Variants in ZNF814 observed in about 807,000 individuals in gnomAD.
ZNF814 encodes the protein zinc finger protein 814.
ZNF814 carries 5 observed loss-of-function variants against 7.5 expected under a neutral mutation model. The observed-to-expected ratio is 0.67, with a 90% CI of 0.35 to 1.40. The LOEUF (loss-of-function observed/expected upper bound fraction) is 1.40, where lower values mean the gene tolerates loss of function less well. Ranked by LOEUF, ZNF814 falls within the 40% of genes most tolerant of loss-of-function variation. ZNF814 has a pLI of 0.04. For synonymous variants in ZNF814, 315 were observed against 340.7 expected, an observed-to-expected ratio of 0.92 and a Z score of 0.83; for missense variants, 962 against 1,018.0, an observed-to-expected ratio of 0.94 and a Z score of 0.75.
In ZNF814 at chr19:57,869,633, T is replaced by C. The variant is rs2071539005; in HGVS notation, c.*3189A>G. On this transcript the variant is annotated 3_prime_UTR_variant, in exon 3 of 3. Transcript: ENST00000435989. ...TGCATAGCTTACTGAATGTCATTTATAACTCATCACAGCTTTAAAATATAC... is the reference window on the plus strand; with the variant it reads ...TGCATAGCTTACTGAATGTCATTTACAACTCATCACAGCTTTAAAATATAC... 1.3e-5 allele frequency: 2 copies of C among 152,168 alleles called. No individual in the cohort carries two copies. The highest frequency in any genetic ancestry group is 2.9e-5 in the Non-Finnish European group (2 of 68,034). 9.4% of individuals were successfully genotyped at this position (152,168 alleles called of 1,614,324 possible). A position where few individuals can be genotyped will look rare whatever the true frequency, so the allele number is the denominator to read the frequency against.
At chr19:57,899,424 A>G in the ZNF814 span, among the ~76,000 whole-genome samples, 25 of 152,346 alleles carry the variant, frequency 1.6e-4, no homozygotes, top group Admixed American at 1.4e-3. Flanking sequence ...CTCCCTTTCA[A>G]TATTTAGGAA....
At chr19:57,889,586 A>T (rs539358044), upstream of ZNF814, among the ~76,000 whole-genome samples, 2 of 152,058 alleles carry the variant, frequency 1.3e-5, no homozygotes, top group African/African-American at 4.8e-5. Context: ...AATAAGGGCC[A>T]GGTGCGGGCG....
Position 57,873,865 on chromosome 19 carries a change from G to C in ZNF814, c.1525C>G (p.Leu509Val), listed in dbSNP as rs775027944. ...GCTCCAGTGTGAACTCGCTGGTGTA[G>C]AACGAGGTTGCCCTTTTGACTGAAA... is the stretch of plus-strand genomic sequence containing the variant. ...KSFSQKGNLV[L>V]HQRVHTGARP... is the part of the protein sequence containing the mutation. The change falls in exon 3 of 3, where the codon CTA becomes GTA. Residue 509 changes from leucine (L) to valine (V), a missense_variant. This residue lies in a region of ZNF814 where 665 missense variants were observed against 551.4 expected (regional missense o/e 1.21). Transcript: ENST00000435989. The C allele has an allele frequency of 1.9e-6, 3 of 1,612,274 alleles. No individual in the cohort carries two copies. The highest frequency in any genetic ancestry group is 1.7e-6 in the Non-Finnish European group (2 of 1,179,486).
chr19:57,901,118 G>T, the ZNF814 span, among the ~76,000 whole-genome samples: 2 of 151,290 alleles, frequency 1.3e-5, no homozygotes, highest in Non-Finnish European at 2.9e-5. Flanking sequence ...TTACAGGCGT[G>T]AGCCACCGCG....
At chr19:57,879,102 A>G (rs904083623) in intron 1 of ZNF814, among the ~76,000 whole-genome samples, 8 of 150,628 alleles carry the variant, frequency 5.3e-5, no homozygotes, top group Non-Finnish European at 8.9e-5. Flanking sequence ...GACACCATCC[A>G]GAGTGTATGG....
At chr19:57,893,753 T>C (rs1013946120), upstream of ZNF814, among the ~76,000 whole-genome samples, 1 of 151,468 alleles carries the variant, frequency 6.6e-6, no homozygotes, top group African/African-American at 2.4e-5. Context: ...ACCCCGTCTC[T>C]ACTAAAAATT....
chr19:57,883,124 C>G (rs965737896), intron 1 of ZNF814, among the ~76,000 whole-genome samples: 2 of 151,778 alleles, frequency 1.3e-5, no homozygotes, highest in East Asian at 1.9e-4. Flanking sequence ...TTTGGGAGGC[C>G]GAGGCGGGCA....
the ZNF814 span, among the ~76,000 whole-genome samples, chr19:57,898,149 T>C: frequency 0.052 from 7,848 of 152,316 alleles, 282 homozygotes; most frequent in Middle Eastern, 0.075. Context: ...ATTGGTATTG[T>C]TGGAGTAGGA....
chr19:57,874,156 C>G lies in ZNF814; in HGVS notation c.1234G>C (p.Glu412Gln). ...TTTTGACTAAAGGATTTCCCACATTCTCCACATTCATAATGTTTTTTGTCA... is the reference window on the plus strand; with the variant it reads ...TTTTGACTAAAGGATTTCCCACATTGTCCACATTCATAATGTTTTTTGTCA... ...HTDKKHYECG[E>Q]CGKSFSQKSS... The change falls in exon 3 of 3, where the codon GAA becomes CAA. Residue 412 changes from glutamate to glutamine, a missense_variant. Around this residue, in one of 7 missense-constraint regions of ZNF814, gnomAD observed 665 missense variants for 551.4 expected, o/e 1.21. Coordinates refer to ENST00000435989, the MANE Select transcript of ZNF814 (RefSeq NM_001144989.2). 1.3e-6 allele frequency: 2 copies of G among 1,592,828 alleles called. No homozygotes were observed. The highest frequency in any genetic ancestry group is 8.6e-7 in the Non-Finnish European group (1 of 1,169,418).
chr19:57,886,147 T>C (rs2071691890), intron 1 of ZNF814, among the ~76,000 whole-genome samples: 1 of 151,876 alleles, frequency 6.6e-6, no homozygotes, highest in Non-Finnish European at 1.5e-5. Flanking sequence ...TCAGTACCAG[T>C]GAGGGAATGG....
In ZNF814 at chr19:57,871,755, A is replaced by G. The variant is rs548073254; in HGVS notation, c.*1067T>C. ...AGACAGAAAAAAATGACAAAGGAAG[A>G]AGTGCTGAAGCTACTCAACAAATCC... is the stretch of plus-strand genomic sequence containing the variant. On this transcript the variant is annotated 3_prime_UTR_variant, in exon 3 of 3. Coordinates refer to ENST00000435989, the MANE Select transcript of ZNF814 (RefSeq NM_001144989.2). The G allele has an allele frequency of 4.6e-5, 7 of 151,562 alleles. No homozygotes were observed. Among genetic ancestry groups the G allele is most frequent in the African/African-American group, 1.7e-4 (7 of 41,316 alleles). The allele number at this position is 151,562 out of a possible 1,614,324, so 9.4% of individuals were successfully genotyped here. A position where few individuals can be genotyped will look rare whatever the true frequency, so the allele number is the denominator to read the frequency against.
chr19:57,875,313 A>T, intron 2 of ZNF814, 87 bp from the exon 3 acceptor site: 2 of 1,607,878 alleles, frequency 1.2e-6, no homozygotes, highest in Admixed American at 3.4e-5. Flanking sequence ...AAAACTGAGG[A>T]ATTACTCCAA....
Position 57,877,053 on chromosome 19 carries a change from G to A in ZNF814, c.37-11C>T. On this transcript the variant is annotated splice_polypyrimidine_tract_variant and intron_variant, in intron 1 of 2. Coordinates refer to ENST00000435989, the MANE Select transcript of ZNF814 (RefSeq NM_001144989.2). The stretch of plus-strand genomic sequence containing the variant: ...AAAAGTCACTGTGCCCTGTTATGAT[G>A]TTGACAGATGAAACTACAAACTGCC... 5 of 1,613,640 alleles carry A rather than the reference G, an allele frequency of 3.1e-6. No individual in the cohort carries two copies. Among genetic ancestry groups the A allele is most frequent in the Non-Finnish European group, 4.2e-6 (5 of 1,179,726 alleles).
chr19:57,878,461 C>CTT (rs1004059214), intron 1 of ZNF814, among the ~76,000 whole-genome samples: 30 of 138,306 alleles, frequency 2.2e-4, no homozygotes, highest in African/African-American at 4.6e-4. Flanking sequence ...GATACATTAC[C>CTT]TTTTTTTTTT....
chr19:57,886,212 A>C (rs2122466303), intron 1 of ZNF814, among the ~76,000 whole-genome samples: 1 of 152,174 alleles, frequency 6.6e-6, no homozygotes, highest in East Asian at 1.9e-4. Flanking sequence ...TGCTTGGAGG[A>C]GAGGCAGACA....
intron 1 of ZNF814, among the ~76,000 whole-genome samples, chr19:57,878,924 CACACAT>C (rs2071631284): frequency 6.6e-6 from 1 of 151,966 alleles, no homozygotes; most frequent in South Asian, 2.1e-4. Context: ...CACACACACG[CACACAT>C]ACACATGCAC....
chr19:57,885,166 C>CA, intron 1 of ZNF814, among the ~76,000 whole-genome samples: 1 of 151,816 alleles, frequency 6.6e-6, no homozygotes, highest in African/African-American at 2.4e-5. Context: ...ACTAAAAATA[C>CA]AAAAAATTAC....
intron 1 of ZNF814, among the ~76,000 whole-genome samples, chr19:57,884,080 C>A (rs549168258): frequency 1.3e-3 from 191 of 152,224 alleles, no homozygotes; most frequent in Non-Finnish European, 2.0e-3. Flanking sequence ...TGAGTAATAC[C>A]TTTCAAGCAC....
chr19:57,872,936 G>C lies in ZNF814; in HGVS notation c.2454C>G (p.His818Gln). The C allele has an allele frequency of 6.2e-7, 1 of 1,613,238 alleles. No individual in the cohort carries two copies. The highest frequency in any genetic ancestry group is 8.5e-7 in the Non-Finnish European group (1 of 1,179,822). ...SFAESSSLTK[H>Q]KRVHTGEKPY... ...GCTTTTCTCCAGTGTGAACTCTCTTGTGTTTAGTGAGACTGGAGCTTTCAG... is the reference window on the plus strand; with the variant it reads ...GCTTTTCTCCAGTGTGAACTCTCTTCTGTTTAGTGAGACTGGAGCTTTCAG... Residue 818 changes from histidine to glutamine, a missense_variant, in exon 3 of 3, where the codon CAC (histidine) becomes CAG (glutamine). This residue lies in a region of ZNF814 where 665 missense variants were observed against 551.4 expected (regional missense o/e 1.21). Transcript: ENST00000435989.
Sources: gnomAD v4.1 joint callset for allele counts (sites outside exome capture counted in the v4.1 genomes callset) on GRCh38, gnomAD v4.1.1 for gene constraint, gnomAD v4.1.1 regional missense constraint, MANE v1.5 for transcripts, NCBI Gene and HGNC (gene_info 2026-07-23, HGNC 2026-07-21) for gene names.